The following RAVER2 variants were observed in gnomAD, a reference collection of about 807,000 sequenced individuals.
The protein encoded by RAVER2 is ribonucleoprotein PTB-binding 2.
In RAVER2, 46 loss-of-function variants were observed where a neutral mutation model predicts 78.1. The observed-to-expected ratio is 0.59, with a 90% CI of 0.46 to 0.75. RAVER2 has a LOEUF of 0.75. Among genes scored for constraint, RAVER2 ranks in the 30% least tolerant of loss-of-function variants. The pLI is 0.00. For synonymous variants in RAVER2, 311 were observed against 313.3 expected (o/e 0.99, Z 0.08); for missense variants, 793 against 837.5 (o/e 0.95, Z 0.66).
At chr1:64,746,501 G>A (rs565373686) in intron 1 of RAVER2, among the ~76,000 whole-genome samples, 150 of 152,272 alleles carry the variant, frequency 9.9e-4, no homozygotes, top group Non-Finnish European at 2.0e-3. Context: ...AAGAGGGCTG[G>A]CTATTGACAA....
Position 64,803,073 on chromosome 1 carries a change from A to T in RAVER2, c.1191+12A>T, listed in dbSNP as rs755714736. The T allele has an allele frequency of 5.9e-6, 9 of 1,521,398 alleles. No individual in the cohort carries two copies. The highest frequency in any genetic ancestry group is 7.3e-6 in the Non-Finnish European group (8 of 1,099,462). The allele number at this position is 1,521,398 out of a possible 1,614,324, so 94.2% of individuals were successfully genotyped here. A position where few individuals can be genotyped will look rare whatever the true frequency, so the allele number is the denominator to read the frequency against. On this transcript the variant is annotated intron_variant, in intron 6 of 11. Coordinates refer to ENST00000294428, the Ensembl canonical transcript of RAVER2. Reference sequence around the variant, plus strand: ...ATAAAGCACATCAGGTACATAAATAACATTGAGTACTGAAGCATTAAATAT... The same window carrying T: ...ATAAAGCACATCAGGTACATAAATATCATTGAGTACTGAAGCATTAAATAT...
At chr1:64,787,224 T>C (rs1265546346) in intron 4 of RAVER2, among the ~76,000 whole-genome samples, 1 of 152,232 alleles carries the variant, frequency 6.6e-6, no homozygotes, top group East Asian at 1.9e-4. Context: ...TTGTTGCTTT[T>C]ATTTTTTAGT....
At chr1:64,800,158 A>G (rs1197182943) in intron 5 of RAVER2, among the ~76,000 whole-genome samples, 1 of 147,802 alleles carries the variant, frequency 6.8e-6, no homozygotes, top group Non-Finnish European at 1.5e-5. Flanking sequence ...TTGAATTGCT[A>G]GAGTTCTGTG....
At chr1:64,749,065 C>T (rs1251005550) in intron 1 of RAVER2, among the ~76,000 whole-genome samples, 1 of 151,846 alleles carries the variant, frequency 6.6e-6, no homozygotes, top group Non-Finnish European at 1.5e-5. Context: ...GTCTTGACCT[C>T]CTGGACTCAA....
At chr1:64,766,279 A>G (rs1652173307) in intron 1 of RAVER2, among the ~76,000 whole-genome samples, 1 of 152,204 alleles carries the variant, frequency 6.6e-6, no homozygotes. Flanking sequence ...CTAAGTTAGT[A>G]TAGGGAGGCT....
intron 1 of RAVER2, among the ~76,000 whole-genome samples, chr1:64,763,091 T>C (rs545587032): frequency 3.3e-5 from 5 of 151,694 alleles, no homozygotes; most frequent in Middle Eastern, 3.4e-3. Context: ...GGGCAGATCA[T>C]GAGGTCAGGC....
At chr1:64,803,457 CAT>C (rs1334121437) in intron 6 of RAVER2, among the ~76,000 whole-genome samples, 1 of 151,882 alleles carries the variant, frequency 6.6e-6, no homozygotes. Context: ...AAAAATAACT[CAT>C]GTATATGAGA....
Position 64,745,237 on chromosome 1 carries a change from T to TGGGGCC in RAVER2, c.77_82dup (p.Pro26_Gly27dup), listed in dbSNP as rs1160312831. On this transcript the variant is annotated inframe_insertion, in exon 1 of 12. Coordinates refer to ENST00000294428, the Ensembl canonical transcript of RAVER2. This position sits in a 1 kb window ranked among gnomAD's most constrained non-coding sequence, Gnocchi z 4.3. ...GCGGGCCTGGGCAGCGCGGCGGGGC[T>TGGGGCC]GGGGCCGGGGCCGGGGCTGCGCGGG... The TGGGGCC allele has an allele frequency of 7.9e-4, 897 of 1,128,860 alleles. 3 individuals are homozygous for TGGGGCC. The African/African-American group carries it at 0.013, about 16-fold the overall frequency. 69.9% of individuals were successfully genotyped at this position (1,128,860 alleles called of 1,614,324 possible).
intron 11 of RAVER2, chr1:64,816,600 C>T (rs993677068): frequency 7.2e-5 from 11 of 152,240 alleles, no homozygotes; most frequent in Non-Finnish European, 1.0e-4. Context: ...GGAAAGGAAC[C>T]AAAAGTGTTT....
chr1:64,781,705 T>C lies in RAVER2; in HGVS notation c.978+134T>C, dbSNP rs1652634302. 13 of 913,098 alleles carry C rather than the reference T, an allele frequency of 1.4e-5. 1 individual carries two copies. 56.6% of individuals were successfully genotyped at this position (913,098 alleles called of 1,614,324 possible). A position where few individuals can be genotyped will look rare whatever the true frequency, so the allele number is the denominator to read the frequency against. On this transcript the variant is annotated intron_variant, in intron 4 of 11. Coordinates refer to ENST00000294428, the Ensembl canonical transcript of RAVER2. ...GCATTTCCATCACACTGAAGACTTT[T>C]CCTTTTTTTTAAAAAAGGTTAGCTA...
intron 11 of RAVER2, among the ~76,000 whole-genome samples, chr1:64,817,113 C>T (rs988675187): frequency 3.3e-5 from 5 of 152,182 alleles, no homozygotes; most frequent in African/African-American, 9.6e-5. Context: ...AGACACTTCT[C>T]AAAAGAAGAC....
Position 64,745,176 on chromosome 1 carries a change from G to GCGGCGGCGGCGGGAGA in RAVER2, c.16_31dup (p.Glu11GlyfsTer47), listed in dbSNP as rs1056284394. On this transcript the variant is annotated frameshift_variant, in exon 1 of 12. Transcript: ENST00000294428. LOFTEE classifies it high-confidence loss of function. The surrounding 1 kb of genome is among the most constrained non-coding windows in gnomAD (Gnocchi z 4.3). ...CAGCCGCTGGGCGCCCGGGAAGATGGCGGCGGCGGCGGGAGACGGCGGCGG... is the reference window on the plus strand; with the variant it reads ...CAGCCGCTGGGCGCCCGGGAAGATGGCGGCGGCGGCGGGAGACGGCGGCGGCGGGAGACGGCGGCGG... 6.9e-6 allele frequency: 7 copies of GCGGCGGCGGCGGGAGA among 1,011,910 alleles called. No homozygotes were observed. The highest frequency in any genetic ancestry group is 7.1e-6 in the Non-Finnish European group (6 of 848,894). The allele number at this position is 1,011,910 out of a possible 1,614,324, so 62.7% of individuals were successfully genotyped here. A position where few individuals can be genotyped will look rare whatever the true frequency, so the allele number is the denominator to read the frequency against.
chr1:64,805,048 G>A, exon 8 of RAVER2: 2 of 1,614,010 alleles, frequency 1.2e-6, no homozygotes, highest in Non-Finnish European at 1.7e-6. Flanking sequence ...ACTAGGGATA[G>A]GGTCAGTGCT....
intron 11 of RAVER2, among the ~76,000 whole-genome samples, chr1:64,817,610 G>A (rs1653785440): frequency 6.6e-6 from 1 of 152,082 alleles, no homozygotes. Flanking sequence ...ATAGGGACAT[G>A]GACGAAGCTG....
At chr1:64,805,714 T>C (rs889248963) in intron 8 of RAVER2, among the ~76,000 whole-genome samples, 5 of 152,150 alleles carry the variant, frequency 3.3e-5, no homozygotes, top group Middle Eastern at 3.2e-3. Context: ...GTGAGCATGC[T>C]GAGTAAAAAC....
At chr1:64,775,700 G>A (rs1652441387) in intron 2 of RAVER2, among the ~76,000 whole-genome samples, 1 of 152,110 alleles carries the variant, frequency 6.6e-6, no homozygotes, top group Admixed American at 6.5e-5. Context: ...CAGTTATGAA[G>A]CAAATCAAGA....
chr1:64,768,803 T>C (rs1027016652), intron 2 of RAVER2, 81 bp downstream of exon 2: 28 of 870,132 alleles, frequency 3.2e-5, no homozygotes, highest in Non-Finnish European at 4.9e-5. Flanking sequence ...CAGTGTCTTT[T>C]CATGCTTAAG....
intron 8 of RAVER2, among the ~76,000 whole-genome samples, chr1:64,805,940 G>A (rs1038927372): frequency 6.6e-6 from 1 of 151,932 alleles, no homozygotes; most frequent in Middle Eastern, 3.2e-3. Context: ...TATTTGTGTT[G>A]GATTAACTAA....
At chr1:64,746,386 C>T (rs941011407) in intron 1 of RAVER2, among the ~76,000 whole-genome samples, 2 of 152,192 alleles carry the variant, frequency 1.3e-5, no homozygotes, top group Admixed American at 1.3e-4. Context: ...GATGTTCACA[C>T]ATGTTTCACA....
Sources: allele counts gnomAD v4.1 joint callset (sites outside exome capture counted in the v4.1 genomes callset), GRCh38; gene constraint gnomAD v4.1.1; non-coding constraint Gnocchi (gnomAD v3.1); transcripts MANE v1.5; gene names NCBI Gene and HGNC (gene_info 2026-07-23, HGNC 2026-07-21).